The following LINGO2 variants were observed in gnomAD, a reference collection of about 807,000 sequenced individuals.
The protein encoded by LINGO2 is leucine rich repeat and Ig domain containing 2.
LINGO2 carries 14 observed loss-of-function variants against 30.6 expected under a neutral mutation model. The observed-to-expected ratio is 0.46, with a 90% CI of 0.30 to 0.72. LINGO2 has a LOEUF of 0.72. LINGO2 is among the 30% of genes least tolerant of loss of function. LINGO2 has a pLI of 0.07. For synonymous variants in LINGO2, 317 were observed against 288.5 expected, an observed-to-expected ratio of 1.10 and a Z score of -1.00; for missense variants, 729 against 751.7, an observed-to-expected ratio of 0.97 and a Z score of 0.35.
At chr9:29,039,968 A>G in the LINGO2 span, among the ~76,000 whole-genome samples, 5 of 152,178 alleles carry the variant, frequency 3.3e-5, no homozygotes, top group Non-Finnish European at 7.4e-5. Flanking sequence ...CATGTCAAGT[A>G]TAAAACAGAA....
At chr9:29,162,887 T>C in the LINGO2 span, among the ~76,000 whole-genome samples, 1 of 152,178 alleles carries the variant, frequency 6.6e-6, no homozygotes, top group Non-Finnish European at 1.5e-5. Context: ...CCAAAGATTA[T>C]TTCACTGCAC....
chr9:28,637,356 A>G (rs920850815), intron 1 of LINGO2, among the ~76,000 whole-genome samples: 1 of 152,180 alleles, frequency 6.6e-6, no homozygotes, highest in Non-Finnish European at 1.5e-5. Flanking sequence ...AATTCTGTGA[A>G]AAAAGTCATT....
chr9:29,130,567 C>A, the LINGO2 span, among the ~76,000 whole-genome samples: 1 of 152,124 alleles, frequency 6.6e-6, no homozygotes, highest in Non-Finnish European at 1.5e-5. Flanking sequence ...TTAATATTAG[C>A]TCATATGAAA....
chr9:28,222,571 C>T (rs1173594564), intron 4 of LINGO2, among the ~76,000 whole-genome samples: 1 of 151,720 alleles, frequency 6.6e-6, no homozygotes, highest in East Asian at 1.9e-4. Flanking sequence ...TATACTGAGT[C>T]ACATTTCGAA....
chr9:29,189,251 G>A, the LINGO2 span, among the ~76,000 whole-genome samples: 1 of 151,288 alleles, frequency 6.6e-6, no homozygotes, highest in African/African-American at 2.4e-5. Flanking sequence ...TCCCGGACGG[G>A]GCGGCTGGCC....
At chr9:28,553,783 G>C (rs1030917592) in intron 1 of LINGO2, among the ~76,000 whole-genome samples, 4 of 152,034 alleles carry the variant, frequency 2.6e-5, no homozygotes, top group African/African-American at 9.7e-5. Context: ...AAGCCCATCA[G>C]ACTAACAGCG....
chr9:28,433,083 A>G (rs1252191211), intron 2 of LINGO2, among the ~76,000 whole-genome samples: 1 of 152,158 alleles, frequency 6.6e-6, no homozygotes, highest in African/African-American at 2.4e-5. Flanking sequence ...ACTTTTTAGC[A>G]TTCAAAATGG....
chr9:29,035,653 C>A, the LINGO2 span, among the ~76,000 whole-genome samples: 3 of 150,534 alleles, frequency 2.0e-5, no homozygotes, highest in Admixed American at 6.6e-5. Flanking sequence ...TGCAGAATAT[C>A]TGATTCATAA....
intron 4 of LINGO2, among the ~76,000 whole-genome samples, chr9:28,078,184 G>A (rs1825679565): frequency 6.7e-6 from 1 of 149,190 alleles, no homozygotes; most frequent in Non-Finnish European, 1.5e-5. Flanking sequence ...CTAGTAAGAG[G>A]AGCAGATATT....
At chr9:28,242,289 G>A (rs1365596411) in intron 4 of LINGO2, among the ~76,000 whole-genome samples, 5 of 152,084 alleles carry the variant, frequency 3.3e-5, no homozygotes, top group East Asian at 1.9e-4. Flanking sequence ...AATGACCAAC[G>A]GAGCTGAAAA....
chr9:28,065,935 T>C (rs887595268), intron 4 of LINGO2, among the ~76,000 whole-genome samples: 3 of 152,136 alleles, frequency 2.0e-5, no homozygotes, highest in Admixed American at 1.3e-4. Flanking sequence ...TATGTATGTC[T>C]GGACACACAT....
At chr9:28,721,559 A>G in the LINGO2 span, among the ~76,000 whole-genome samples, 110 of 152,308 alleles carry the variant, frequency 7.2e-4, no homozygotes, top group African/African-American at 2.6e-3. Context: ...TAACACAGGA[A>G]CAGAAAACCA....
chr9:28,052,131 T>C (rs1418577360), intron 4 of LINGO2, among the ~76,000 whole-genome samples: 1 of 152,042 alleles, frequency 6.6e-6, no homozygotes, highest in African/African-American at 2.4e-5. Context: ...TAAATTTTAA[T>C]TCGTTAAAGA....
chr9:28,010,492 T>A (rs73643230), intron 5 of LINGO2, among the ~76,000 whole-genome samples: 1 of 152,078 alleles, frequency 6.6e-6, no homozygotes, highest in Non-Finnish European at 1.5e-5. Flanking sequence ...ACATGGAAAC[T>A]CAATGTATAA....
the LINGO2 span, among the ~76,000 whole-genome samples, chr9:28,770,234 T>C: frequency 6.6e-6 from 1 of 152,310 alleles, no homozygotes; most frequent in South Asian, 2.1e-4. Context: ...GCCACTTGTA[T>C]CAGTTTGTGA....
At chr9:28,982,745 G>GAGAATTATTTCATGTAAT in the LINGO2 span, among the ~76,000 whole-genome samples, 1 of 151,778 alleles carries the variant, frequency 6.6e-6, no homozygotes, top group South Asian at 2.1e-4. Context: ...CATCACAAAG[G>GAGAATTATTTCATGTAAT]AGAATTATTT....
chr9:28,935,067 T>C, the LINGO2 span, among the ~76,000 whole-genome samples: 395 of 152,208 alleles, frequency 2.6e-3, no homozygotes, highest in Non-Finnish European at 4.4e-3. Flanking sequence ...CTTTAGTTTT[T>C]GTTTTTAAAA....
intron 4 of LINGO2, among the ~76,000 whole-genome samples, chr9:28,288,714 G>T (rs1392344443): frequency 2.0e-5 from 3 of 152,158 alleles, no homozygotes; most frequent in Non-Finnish European, 2.9e-5. Flanking sequence ...AGTCACATGA[G>T]ATTTTTCATG....
the LINGO2 span, among the ~76,000 whole-genome samples, chr9:28,797,345 TATATATATATATATAG>T: frequency 4.9e-4 from 35 of 70,896 alleles, no homozygotes; most frequent in African/African-American, 1.7e-3. Context: ...TATATATATA[TATATATATATATATAG>T]AGAGAGAGAG....
Sources: gnomAD v4.1 joint callset for allele counts (sites outside exome capture counted in the v4.1 genomes callset) on GRCh38, gnomAD v4.1.1 for gene constraint, MANE v1.5 for transcripts, NCBI Gene and HGNC (gene_info 2026-07-23, HGNC 2026-07-21) for gene names.